The following CSMD1 variants were observed in gnomAD, a reference collection of about 807,000 sequenced individuals.
CSMD1 encodes the protein CUB and Sushi multiple domains 1.
CSMD1 carries 213 observed loss-of-function variants against 417.5 expected under a neutral mutation model. The observed-to-expected ratio is 0.51, with a 90% CI of 0.46 to 0.57. The LOEUF is 0.57. Ranked by LOEUF, CSMD1 falls within the 20% of genes least tolerant of loss-of-function variation. CSMD1 has a pLI of 0.00. For missense variants in CSMD1, 6,923 were observed against 4,529.7 expected (o/e 1.53, Z -15.17); for synonymous variants, 2,862 against 1,736.8 (o/e 1.65, Z -16.11).
intron 1 of CSMD1, among the ~76,000 whole-genome samples, chr8:4,916,159 T>G (rs1200600641): frequency 6.6e-6 from 1 of 152,220 alleles, no homozygotes; most frequent in Non-Finnish European, 1.5e-5. Context: ...TAAAAATGTT[T>G]TTATAAAAGA....
intron 4 of CSMD1, among the ~76,000 whole-genome samples, chr8:4,018,567 A>T (rs1796632522): frequency 6.6e-6 from 1 of 152,226 alleles, no homozygotes; most frequent in African/African-American, 2.4e-5. Context: ...TGAGAAAAGC[A>T]GAGCCTCTCC....
intron 5 of CSMD1, among the ~76,000 whole-genome samples, chr8:3,939,392 A>G (rs889644547): frequency 6.6e-6 from 1 of 152,168 alleles, no homozygotes; most frequent in Admixed American, 6.6e-5. Context: ...TGAAAAGGGA[A>G]CACTTTTACA....
At chr8:3,644,692 G>C (rs1206534797) in intron 7 of CSMD1, among the ~76,000 whole-genome samples, 1 of 152,258 alleles carries the variant, frequency 6.6e-6, no homozygotes, top group East Asian at 1.9e-4. Flanking sequence ...CCCAGAGCCA[G>C]TGAATGAGTT....
intron 3 of CSMD1, among the ~76,000 whole-genome samples, chr8:4,327,463 C>G (rs892198864): frequency 1.3e-5 from 2 of 152,114 alleles, no homozygotes; most frequent in Non-Finnish European, 2.9e-5. Flanking sequence ...AGGTTGCTGC[C>G]TGTAGGTAAC....
chr8:4,884,556 G>C (rs556430540), intron 1 of CSMD1, among the ~76,000 whole-genome samples: 2 of 151,978 alleles, frequency 1.3e-5, no homozygotes, highest in African/African-American at 4.8e-5. Flanking sequence ...TGTATATTGA[G>C]ATGGATTGGG....
At chr8:3,217,878 A>C (rs552387004) in intron 29 of CSMD1, among the ~76,000 whole-genome samples, 1 of 152,262 alleles carries the variant, frequency 6.6e-6, no homozygotes, top group African/African-American at 2.4e-5. Flanking sequence ...CACAAATTGA[A>C]CTCAAAAGTG....
intron 44 of CSMD1, 141 bp from the exon 45 acceptor site, chr8:3,107,939 T>C: frequency 7.2e-6 from 4 of 557,956 alleles, no homozygotes; most frequent in Non-Finnish European, 9.3e-6. Context: ...ATCATAGCTT[T>C]ATAAAATTCC....
Position 4,317,935 on chromosome 8 carries a change from T to C in CSMD1, c.415+102018A>G, listed in dbSNP as rs1799029459. Among the ~76,000 whole-genome samples the C allele has an allele frequency of 2.6e-5, 4 of 152,214 alleles. No homozygotes were observed. In the South Asian group the frequency reaches 6.2e-4, roughly 24 times the overall value. On this transcript the variant is annotated intron_variant, in intron 3 of 69. Transcript: ENST00000635120. ...GAACAAAATGTCAAGAATGATGTAA[T>C]ATGTTGCCGTTCCGAATTTAAGGTA...
chr8:4,692,621 G>A (rs930381475), intron 1 of CSMD1, among the ~76,000 whole-genome samples: 1 of 152,184 alleles, frequency 6.6e-6, no homozygotes, highest in Non-Finnish European at 1.5e-5. Context: ...GCCATGTGGG[G>A]TCCGTGAGGC....
intron 1 of CSMD1, among the ~76,000 whole-genome samples, chr8:4,683,550 G>C (rs1399969833): frequency 2.0e-5 from 3 of 152,158 alleles, no homozygotes; most frequent in Non-Finnish European, 2.9e-5. Flanking sequence ...TTAGCACCTA[G>C]AGGCACGTTC....
chr8:4,133,234 C>G lies in CSMD1; in HGVS notation c.416-101135G>C, dbSNP rs1585387266. The stretch of plus-strand genomic sequence containing the variant: ...TACAGACATGAGTCACCATGCCCAG[C>G]TGGTAAACATCTAATAATATTATTA... On this transcript the variant is annotated intron_variant, in intron 3 of 69. Coordinates refer to ENST00000635120, the MANE Select transcript of CSMD1 (RefSeq NM_033225.6). 1.3e-5 allele frequency among the ~76,000 whole-genome samples: 2 copies of G among 152,114 alleles called. 1 individual carries two copies. The highest frequency in any genetic ancestry group is 4.1e-4 in the South Asian group (2 of 4,822).
intron 69 of CSMD1, among the ~76,000 whole-genome samples, chr8:2,941,196 A>G (rs974533840): frequency 6.6e-6 from 1 of 152,206 alleles, no homozygotes; most frequent in Non-Finnish European, 1.5e-5. Flanking sequence ...TTAAAGAAAG[A>G]ACATTACTAG....
At chr8:3,398,399 T>C (rs1204751876) in intron 16 of CSMD1, among the ~76,000 whole-genome samples, 2 of 152,248 alleles carry the variant, frequency 1.3e-5, no homozygotes, top group African/African-American at 4.8e-5. Context: ...GGGATTATTA[T>C]TATTTTGTCA....
chr8:2,974,438 G>T lies in CSMD1; in HGVS notation c.8740+13C>A. The T allele has an allele frequency of 1.3e-6, 2 of 1,535,106 alleles. No homozygotes were observed. The highest frequency in any genetic ancestry group is 1.8e-6 in the Non-Finnish European group (2 of 1,135,894). On this transcript the variant is annotated intron_variant, in intron 56 of 69. Transcript: ENST00000635120. ...AATCTGTAATTCTGTCAGTTCACTC[G>T]TAAGCCCCTCACCTGTGCAGTGGGG...
chr8:4,344,895 G>T (rs945225298), intron 3 of CSMD1, among the ~76,000 whole-genome samples: 2 of 152,112 alleles, frequency 1.3e-5, no homozygotes, highest in Non-Finnish European at 2.9e-5. Context: ...ATACGTCATG[G>T]ACAAGAACAG....
chr8:4,365,789 C>T (rs571449758), intron 3 of CSMD1, among the ~76,000 whole-genome samples: 1 of 152,214 alleles, frequency 6.6e-6, no homozygotes, highest in Non-Finnish European at 1.5e-5. Flanking sequence ...CCTGATTACT[C>T]TTGGCATTAC....
At chr8:3,538,396 CTGAGATGCCTCACCTAAAATGGTGCACT>C (rs1349762121) in intron 10 of CSMD1, among the ~76,000 whole-genome samples, 1 of 152,202 alleles carries the variant, frequency 6.6e-6, no homozygotes, top group East Asian at 1.9e-4. Flanking sequence ...GCTGGTGCAC[CTGAGATGCCTCACCTAAAATGGTGCACT>C]TGAGATGCCT....
At chr8:4,816,513 C>G (rs892406020) in intron 1 of CSMD1, among the ~76,000 whole-genome samples, 1 of 152,086 alleles carries the variant, frequency 6.6e-6, no homozygotes, top group Non-Finnish European at 1.5e-5. Flanking sequence ...CAGGTGTGAG[C>G]CACCATGCGC....
intron 1 of CSMD1, among the ~76,000 whole-genome samples, chr8:4,743,556 A>G (rs1810760069): frequency 6.6e-6 from 1 of 152,166 alleles, no homozygotes; most frequent in South Asian, 2.1e-4. Flanking sequence ...AACCGTCATT[A>G]ACCACAGAGA....
Sources: allele counts gnomAD v4.1 joint callset (sites outside exome capture counted in the v4.1 genomes callset), GRCh38; gene constraint gnomAD v4.1.1; transcripts MANE v1.5; gene names NCBI Gene and HGNC (gene_info 2026-07-23, HGNC 2026-07-21).